The following INTS9 variants were observed in gnomAD, a reference collection of about 807,000 sequenced individuals.
INTS9 encodes the protein protein related to CPSF subunits of 74 kDa.
INTS9 carries 55 observed loss-of-function variants against 79.7 expected under a neutral mutation model. The observed-to-expected ratio is 0.69, with a 90% CI of 0.56 to 0.86. The LOEUF (loss-of-function observed/expected upper bound fraction) is 0.86. Among genes scored for constraint, INTS9 ranks in the 40% least tolerant of loss-of-function variants. INTS9 has a pLI of 0.00. For missense variants in INTS9, 721 were observed against 831.5 expected, an observed-to-expected ratio of 0.87 and a Z score of 1.64; for synonymous variants, 319 against 325.2, an observed-to-expected ratio of 0.98 and a Z score of 0.20.
intron 1 of INTS9, among the ~76,000 whole-genome samples, chr8:28,861,171 C>A (rs1348902688): frequency 6.6e-6 from 1 of 152,158 alleles, no homozygotes; most frequent in African/African-American, 2.4e-5. Context: ...AGTCTAGGAT[C>A]CATGATTTTG....
At chr8:28,772,854 A>C (rs1802630239) in intron 14 of INTS9, among the ~76,000 whole-genome samples, 1 of 152,212 alleles carries the variant, frequency 6.6e-6, no homozygotes, top group South Asian at 2.1e-4. Context: ...ATAACAGTGT[A>C]TACTTATATA....
intron 8 of INTS9, chr8:28,799,394 T>TAACA (rs1804401342): frequency 6.6e-6 from 1 of 152,296 alleles, no homozygotes. Context: ...AAATGACCAC[T>TAACA]AACAAACAAA....
rs140216098 is a variant in INTS9, at chr8:28,842,180, T to C, written c.262-4404A>G. On this transcript the variant is annotated intron_variant, in intron 4 of 16. Coordinates refer to ENST00000521022, the MANE Select transcript of INTS9 (RefSeq NM_018250.4). ...GGAAGTGAATCATCATAGAGGTCTTTATTTTTGTCATCTTCACATTAAACA... is the reference window on the plus strand; with the variant it reads ...GGAAGTGAATCATCATAGAGGTCTTCATTTTTGTCATCTTCACATTAAACA... 1.0e-3 allele frequency among the ~76,000 whole-genome samples: 153 copies of C among 152,296 alleles called. 1 individual carries two copies. Among genetic ancestry groups the C allele is most frequent in the African/African-American group, 3.5e-3 (144 of 41,562 alleles).
chr8:28,834,348 C>G (rs1806675879), intron 6 of INTS9, among the ~76,000 whole-genome samples: 1 of 152,102 alleles, frequency 6.6e-6, no homozygotes, highest in African/African-American at 2.4e-5. Flanking sequence ...TTATAAACCT[C>G]CACTGGCCAA....
chr8:28,813,290 G>A (rs1585397705), intron 7 of INTS9, among the ~76,000 whole-genome samples: 2 of 152,098 alleles, frequency 1.3e-5, no homozygotes, highest in African/African-American at 2.4e-5. Context: ...CTGGCCAATC[G>A]AATGCTGGCT....
Position 28,858,521 on chromosome 8 carries a change from G to A in INTS9, c.137+915C>T, listed in dbSNP as rs569381417. 6.6e-4 allele frequency among the ~76,000 whole-genome samples: 100 copies of A among 152,274 alleles called. 1 individual carries two copies. The highest frequency in any genetic ancestry group is 2.3e-3 in the African/African-American group (97 of 41,560). On this transcript the variant is annotated intron_variant, in intron 2 of 16. Coordinates refer to ENST00000521022, the MANE Select transcript of INTS9 (RefSeq NM_018250.4). ...GGTGGCACATGTATTTCTAAATGCT[G>A]GGTGTAATTATAACTGAATTCCATC...
Position 28,793,863 on chromosome 8 carries a change from G to A in INTS9, c.981C>T (p.Tyr327=). The change falls in exon 10 of 17, where the codon TAC becomes TAT. Residue 327 remains tyrosine (Y), a synonymous_variant. Coordinates refer to ENST00000521022, the MANE Select transcript of INTS9 (RefSeq NM_018250.4). ...AACTGTTGGCCACAGGGGAGATGAA[G>A]TAGAGGGGGACGCTGGAAAGCCCGG... ...DSAGLSSVPL[Y]FISPVANSSL... 1.2e-6 allele frequency: 2 copies of A among 1,613,342 alleles called. No individual in the cohort carries two copies. Among genetic ancestry groups the A allele is most frequent in the Non-Finnish European group, 1.7e-6 (2 of 1,179,552 alleles).
chr8:28,795,543 A>C (rs931241101), intron 9 of INTS9, among the ~76,000 whole-genome samples: 1 of 148,522 alleles, frequency 6.7e-6, no homozygotes, highest in South Asian at 2.1e-4. Flanking sequence ...GGGAGGCTGA[A>C]GCAGGAGAAT....
intron 1 of INTS9, among the ~76,000 whole-genome samples, chr8:28,874,284 A>G (rs1809250308): frequency 6.6e-6 from 1 of 151,752 alleles, no homozygotes; most frequent in Non-Finnish European, 1.5e-5. Context: ...ATTCATATTT[A>G]AACTGTTTTT....
At position 28,837,686 on chromosome 8, in the gene INTS9, C is replaced by A; in HGVS notation, c.352G>T (p.Gly118Cys). The A allele has an allele frequency of 6.2e-7, 1 of 1,613,822 alleles. No individual in the cohort carries two copies. The highest frequency in any genetic ancestry group is 8.5e-7 in the Non-Finnish European group (1 of 1,180,002). The change falls in exon 5 of 17, where the codon GGC becomes TGC. Residue 118 changes from glycine (G) to cysteine (C), a missense_variant. Coordinates refer to ENST00000521022, the MANE Select transcript of INTS9 (RefSeq NM_018250.4). ...MALPYITEHTGFTGTVYATEP... is the reference protein window; with the variant it reads ...MALPYITEHTCFTGTVYATEP... ...GTGGCATACACTGTGCCTGTGAAGC[C>A]GGTGTGCTCGGTGATGTATGGCAGC... is the stretch of plus-strand genomic sequence containing the variant.
intron 8 of INTS9, among the ~76,000 whole-genome samples, chr8:28,808,788 C>T (rs1804952334): frequency 6.6e-6 from 1 of 152,146 alleles, no homozygotes; most frequent in South Asian, 2.1e-4. Flanking sequence ...CTCTTTTCTC[C>T]ATTCTTACTG....
intron 8 of INTS9, among the ~76,000 whole-genome samples, chr8:28,801,592 A>G (rs1275662776): frequency 6.6e-6 from 1 of 152,144 alleles, no homozygotes; most frequent in Non-Finnish European, 1.5e-5. Flanking sequence ...AAGAAACTAC[A>G]TTACTGCCAG....
chr8:28,861,519 T>C (rs1270889232), intron 1 of INTS9, among the ~76,000 whole-genome samples: 1 of 152,232 alleles, frequency 6.6e-6, no homozygotes, highest in South Asian at 2.1e-4. Context: ...GTGGGAAGAT[T>C]ATTGTCCGAT....
At chr8:28,816,968 G>A (rs1483916687) in intron 6 of INTS9, among the ~76,000 whole-genome samples, 1 of 149,538 alleles carries the variant, frequency 6.7e-6, no homozygotes, top group Non-Finnish European at 1.5e-5. Context: ...AGAAGTGTCT[G>A]TTCATGTCCT....
At chr8:28,792,606 A>G (rs2062001753) in intron 10 of INTS9, among the ~76,000 whole-genome samples, 1 of 152,154 alleles carries the variant, frequency 6.6e-6, no homozygotes, top group Non-Finnish European at 1.5e-5. Context: ...ATTCAGAGTT[A>G]ATAATAATGT....
At chr8:28,880,015 G>T (rs1029782844) in intron 1 of INTS9, among the ~76,000 whole-genome samples, 2 of 151,932 alleles carry the variant, frequency 1.3e-5, no homozygotes, top group Non-Finnish European at 2.9e-5. Flanking sequence ...TTATATGCAA[G>T]AATTTTACAT....
chr8:28,798,977 C>T (rs574790022), intron 8 of INTS9, among the ~76,000 whole-genome samples: 2 of 152,230 alleles, frequency 1.3e-5, no homozygotes, highest in South Asian at 4.1e-4. Context: ...TCAAATAAAA[C>T]AAAAGACCTA....
At chr8:28,796,293 G>A (rs1335114676) in intron 9 of INTS9, among the ~76,000 whole-genome samples, 1 of 152,218 alleles carries the variant, frequency 6.6e-6, no homozygotes, top group African/African-American at 2.4e-5. Flanking sequence ...CTGGGTGACA[G>A]AGAAGACTCT....
At chr8:28,840,131 G>T (rs1372776684) in intron 4 of INTS9, among the ~76,000 whole-genome samples, 4 of 141,900 alleles carry the variant, frequency 2.8e-5, no homozygotes, top group Admixed American at 7.0e-5. Context: ...AGTGGGCAAA[G>T]GACATGAACA....
Sources: allele counts gnomAD v4.1 joint callset (sites outside exome capture counted in the v4.1 genomes callset), GRCh38; gene constraint gnomAD v4.1.1; transcripts MANE v1.5; gene names NCBI Gene and HGNC (gene_info 2026-07-23, HGNC 2026-07-21).